Variants in NPAS2 observed in about 807,000 individuals in gnomAD.
NPAS2 encodes the protein neuronal PAS domain protein 2.
NPAS2 carries 23 observed loss-of-function variants against 107.5 expected under a neutral mutation model. The observed-to-expected ratio is 0.21, with a 90% CI of 0.15 to 0.30. The LOEUF (loss-of-function observed/expected upper bound fraction) is 0.30, where lower values mean the gene tolerates loss of function less well. Among genes scored for constraint, NPAS2 ranks in the 10% least tolerant of loss-of-function variants. The pLI is 1.00. For synonymous variants in NPAS2, 403 were observed against 417.5 expected (o/e 0.97, Z 0.42); for missense variants, 756 against 1,043.3 (o/e 0.72, Z 3.79).
chr2:100,966,568 T>TGTAGTACC, intron 10 of NPAS2, among the ~76,000 whole-genome samples: 1 of 151,492 alleles, frequency 6.6e-6, no homozygotes, highest in East Asian at 1.9e-4. Flanking sequence ...ATGCCTCACC[T>TGTAGTACC]GTAGTACCCA....
chr2:100,923,571 C>A (rs1010883558), intron 2 of NPAS2, among the ~76,000 whole-genome samples: 13 of 152,158 alleles, frequency 8.5e-5, no homozygotes, highest in Non-Finnish European at 1.0e-4. Context: ...TCCAGCAGCA[C>A]ACTCTGTCCT....
At chr2:100,989,942 G>A in intron 17 of NPAS2, 1 of 338,646 alleles carries the variant, frequency 3.0e-6, no homozygotes, top group Non-Finnish European at 5.5e-6. Context: ...CCTAGGGCAG[G>A]AGTAGGCCTG....
chr2:100,921,492 T>G (rs1309787585), intron 2 of NPAS2, among the ~76,000 whole-genome samples: 1 of 152,170 alleles, frequency 6.6e-6, no homozygotes, highest in Non-Finnish European at 1.5e-5. Flanking sequence ...TCAATATCCA[T>G]GTATATTTAA....
chr2:100,820,926 G>C lies in NPAS2; in HGVS notation c.-23+512G>C. On this transcript the variant is annotated intron_variant, in intron 1 of 20. Transcript: ENST00000335681. This position sits in a 1 kb window ranked among gnomAD's most constrained non-coding sequence, Gnocchi z 5.6. ...ATTGGTTCCGGGCCGGATTGGGTGCGGAATCGGTGCCCCCAACCCCCGTGT... is the reference window on the plus strand; with the variant it reads ...ATTGGTTCCGGGCCGGATTGGGTGCCGAATCGGTGCCCCCAACCCCCGTGT... 1 of 712,098 alleles carries C rather than the reference G, an allele frequency of 1.4e-6. No homozygotes were observed. Among genetic ancestry groups the C allele is most frequent in the Non-Finnish European group, 2.0e-6 (1 of 489,350 alleles). The allele number at this position is 712,098 out of a possible 1,614,324, so 44.1% of individuals were successfully genotyped here.
chr2:100,852,376 G>A lies in NPAS2; in HGVS notation c.-23+31962G>A, dbSNP rs559434558. 3.9e-5 allele frequency among the ~76,000 whole-genome samples: 6 copies of A among 152,218 alleles called. No homozygotes were observed. In the East Asian group the frequency reaches 7.7e-4, roughly 20 times the overall value. On this transcript the variant is annotated intron_variant, in intron 1 of 20. Coordinates refer to ENST00000335681, the MANE Select transcript of NPAS2 (RefSeq NM_002518.4). ...CGCACCACTGCGCTCCAGCCTGGGT[G>A]ACAGAGCGAGACTCCATCTCAAAAA...
In NPAS2 at chr2:100,971,154, T is replaced by G; in HGVS notation, c.1140+80T>G. 2.2e-6 allele frequency: 3 copies of G among 1,365,176 alleles called. No homozygotes were observed. The South Asian group carries it at 3.6e-5, about 16-fold the overall frequency. 84.6% of individuals were successfully genotyped at this position (1,365,176 alleles called of 1,614,324 possible). On this transcript the variant is annotated intron_variant, in intron 12 of 20. Coordinates refer to ENST00000335681, the MANE Select transcript of NPAS2 (RefSeq NM_002518.4). ...AGCCAACCAGTCTCTGAAACAAGGG[T>G]TTCTTTTCATCAATGGAAGGGTACA...
chr2:100,988,094 C>T lies in NPAS2; in HGVS notation c.1645C>T (p.Pro549Ser), dbSNP rs1677880921. ...CTGCTCCCAGATGTTCCTGCAGCAG[C>T]CAGCTGTATCCCTGAGCTTCAGCAG... The part of the protein sequence containing the change: ...DSNVQMFLQQ[P>S]AVSLSFSSTQ... Residue 549 changes from proline to serine, a missense_variant, in exon 17 of 21, where the codon CCA becomes TCA. Physicochemically the swap from Pro to Ser is moderately conservative, Grantham distance 74 (BLOSUM62 -1). This residue lies in a region of NPAS2 where 496 missense variants were observed against 594.4 expected (regional missense o/e 0.83). Transcript: ENST00000335681. The T allele has an allele frequency of 6.2e-7, 1 of 1,614,048 alleles. No homozygotes were observed.
At chr2:100,906,227 C>G (rs1163499578) in intron 2 of NPAS2, among the ~76,000 whole-genome samples, 3 of 152,188 alleles carry the variant, frequency 2.0e-5, no homozygotes, top group Non-Finnish European at 4.4e-5. Flanking sequence ...TAGGTCACAA[C>G]CTACAAGGGT....
chr2:100,906,980 A>C (rs1682189831), intron 2 of NPAS2, among the ~76,000 whole-genome samples: 1 of 152,148 alleles, frequency 6.6e-6, no homozygotes, highest in African/African-American at 2.4e-5. Flanking sequence ...CCCAGACCAC[A>C]AGAGGCTTTT....
chr2:100,982,491 C>G, intron 16 of NPAS2, 114 bp downstream of exon 16: 1 of 1,236,218 alleles, frequency 8.1e-7, no homozygotes, highest in Non-Finnish European at 1.1e-6. Context: ...CCCTGCCAAG[C>G]CCCATTTGCT....
rs1553457772 is a variant in NPAS2 at position 100,934,326 on chromosome 2, T to TC, written c.273+1328dup. On this transcript the variant is annotated intron_variant, in intron 4 of 20. Coordinates refer to ENST00000335681, the MANE Select transcript of NPAS2 (RefSeq NM_002518.4). ...CCTGTAGCACAACCTTTTTTTTTTT[T>TC]CCCAGTTAGTTTCAAACTATCAAAA... Among the ~76,000 whole-genome samples the TC allele has an allele frequency of 5.3e-5, 8 of 151,794 alleles. No homozygotes were observed. The East Asian group carries it at 9.7e-4, about 18-fold the overall frequency.
At chr2:100,974,485 GA>G (rs1193018523) in intron 12 of NPAS2, among the ~76,000 whole-genome samples, 1 of 152,146 alleles carries the variant, frequency 6.6e-6, no homozygotes, top group Admixed American at 6.5e-5. Context: ...CCCCTTCTTG[GA>G]AAGTCAAGAT....
rs1676338066 is a variant in NPAS2 at position 100,968,130 on chromosome 2, G to T, written c.908-151G>T. The T allele has an allele frequency of 6.8e-6, 5 of 734,076 alleles. No homozygotes were observed. The highest frequency in any genetic ancestry group is 6.8e-6 in the Non-Finnish European group (3 of 444,048). The allele number at this position is 734,076 out of a possible 1,614,324, so 45.5% of individuals were successfully genotyped here. A position where few individuals can be genotyped will look rare whatever the true frequency, so the allele number is the denominator to read the frequency against. ...ATTCACGACAGTGTACCGTGATCCT[G>T]ACAGTCACTTAAAATACAGGGCAAC... On this transcript the variant is annotated intron_variant, in intron 10 of 20. Coordinates refer to ENST00000335681, the MANE Select transcript of NPAS2 (RefSeq NM_002518.4). The surrounding 1 kb of genome is among the most constrained non-coding windows in gnomAD (Gnocchi z 5.3).
chr2:100,989,603 C>G (rs1677991634), intron 17 of NPAS2: 1 of 152,254 alleles, frequency 6.6e-6, no homozygotes, highest in South Asian at 2.1e-4. Context: ...AAAGCAGGTG[C>G]AAGCCCACTT....
chr2:100,885,464 G>A (rs1181574826), intron 1 of NPAS2, among the ~76,000 whole-genome samples: 3 of 152,118 alleles, frequency 2.0e-5, no homozygotes, highest in African/African-American at 7.2e-5. Context: ...TGTGGCCTTG[G>A]AATGATTATT....
chr2:100,960,743 C>A (rs182619190), intron 7 of NPAS2, among the ~76,000 whole-genome samples: 337 of 152,210 alleles, frequency 2.2e-3, no homozygotes, highest in African/African-American at 7.9e-3. Flanking sequence ...GGGGAAGCCA[C>A]CTTGGGGTCC....
At chr2:100,880,564 A>G (rs915423786) in intron 1 of NPAS2, among the ~76,000 whole-genome samples, 1 of 152,228 alleles carries the variant, frequency 6.6e-6, no homozygotes, top group African/African-American at 2.4e-5. Context: ...GTGAATATCC[A>G]GAAAAAGAAA....
At chr2:100,932,805 A>G in intron 3 of NPAS2, 105 bp from the exon 4 acceptor site, 1 of 788,302 alleles carries the variant, frequency 1.3e-6, no homozygotes, top group Admixed American at 2.1e-5. Flanking sequence ...ATTAAACTAC[A>G]CAGAAGTTTA....
intron 7 of NPAS2, among the ~76,000 whole-genome samples, chr2:100,958,555 G>A (rs369660920): frequency 9.9e-5 from 15 of 152,260 alleles, no homozygotes; most frequent in African/African-American, 3.6e-4. Flanking sequence ...GAGATCGCAG[G>A]GGAGTTAAAA....
Sources: allele counts gnomAD v4.1 joint callset (sites outside exome capture counted in the v4.1 genomes callset), GRCh38; gene constraint gnomAD v4.1.1; regional missense constraint gnomAD v4.1.1; non-coding constraint Gnocchi (gnomAD v3.1); transcripts MANE v1.5; gene names NCBI Gene and HGNC (gene_info 2026-07-23, HGNC 2026-07-21).